Variants in RNASEH1 observed in about 807,000 individuals in gnomAD.
RNASEH1 encodes the protein ribonuclease H1, also known as ribonuclease H type II.
RNASEH1 carries 27 observed loss-of-function variants against 34.6 expected under a neutral mutation model. The ratio of observed to expected loss-of-function variants is 0.78; its 90% CI spans 0.58 to 1.08. The LOEUF (loss-of-function observed/expected upper bound fraction) is 1.08. RNASEH1 is among the 50% of genes least tolerant of loss of function. The pLI is 0.00. For synonymous variants in RNASEH1, 162 were observed against 138.4 expected, an observed-to-expected ratio of 1.17 and a Z score of -1.20; for missense variants, 349 against 373.6, an observed-to-expected ratio of 0.93 and a Z score of 0.54.
chr2:3,531,824 GAA>G, the RNASEH1 span: 1 of 154,878 alleles, frequency 6.5e-6, no homozygotes, highest in Non-Finnish European at 1.4e-5. Flanking sequence ...TAAATGTTTT[GAA>G]GAGTGTTTAT....
At chr2:3,553,521 C>A (rs568655105) in intron 2 of RNASEH1, among the ~76,000 whole-genome samples, 66 of 152,000 alleles carry the variant, frequency 4.3e-4, no homozygotes, top group Admixed American at 2.7e-3. Context: ...TCCCAAGTAG[C>A]TGGGATTACA....
the RNASEH1 span, among the ~76,000 whole-genome samples, chr2:3,532,907 G>A: frequency 1.3e-5 from 2 of 152,200 alleles, no homozygotes; most frequent in Non-Finnish European, 2.9e-5. Context: ...GCATGGAGGC[G>A]CTCTCCCGCG....
At chr2:3,550,046 G>A (rs559931195) in intron 4 of RNASEH1, 2 of 263,654 alleles carry the variant, frequency 7.6e-6, no homozygotes, top group East Asian at 1.8e-4. Flanking sequence ...GGGAGGCCAA[G>A]GTGGGAGGAT....
At chr2:3,556,035 G>C (rs1247941644) in intron 2 of RNASEH1, among the ~76,000 whole-genome samples, 1 of 152,138 alleles carries the variant, frequency 6.6e-6, no homozygotes, top group South Asian at 2.1e-4. Context: ...TTAGCCGGGC[G>C]TGGTGGCACG....
At chr2:3,532,315 G>C in the RNASEH1 span, 16 of 702,338 alleles carry the variant, frequency 2.3e-5, no homozygotes, top group Admixed American at 2.6e-4. Flanking sequence ...ATGATGCTGT[G>C]GGAACAAGAA....
chr2:3,549,228 T>C lies in RNASEH1; in HGVS notation c.510-116A>G, dbSNP rs189708498. ...TCTTATTTGAAATATAAAAGCATCA[T>C]ATAAAAATCAAACTAACAGACTCCC... On this transcript the variant is annotated intron_variant, in intron 4 of 7. Transcript: ENST00000315212. The C allele has an allele frequency of 2.2e-3, 1,928 of 894,168 alleles. 3 individuals are homozygous for C. The highest frequency in any genetic ancestry group is 3.0e-3 in the Non-Finnish European group (1,614 of 547,084). 55.4% of individuals were successfully genotyped at this position (894,168 alleles called of 1,614,324 possible).
downstream of RNASEH1, among the ~76,000 whole-genome samples, chr2:3,538,359 AT>A (rs1178220162): frequency 2.0e-5 from 3 of 151,072 alleles, no homozygotes; most frequent in East Asian, 1.9e-4. Context: ...TCTCAAAAAA[AT>A]ATATATAATA....
At position 3,549,048 on chromosome 2, in the gene RNASEH1, G is replaced by T. The variant is rs1024290571; in HGVS notation, c.564+10C>A. The T allele has an allele frequency of 1.9e-6, 3 of 1,608,692 alleles. No homozygotes were observed. The highest frequency in any genetic ancestry group is 2.6e-6 in the Non-Finnish European group (3 of 1,175,166). The stretch of plus-strand genomic sequence containing the variant: ...AAAAAAGAGAGGCTTAAACGTATCT[G>T]ATAACTTACATGAATTTCCGCTCTT... On this transcript the variant is annotated intron_variant, in intron 5 of 7. Transcript: ENST00000315212.
At chr2:3,553,755 A>C (rs1459551789) in intron 2 of RNASEH1, among the ~76,000 whole-genome samples, 2 of 151,748 alleles carry the variant, frequency 1.3e-5, no homozygotes, top group African/African-American at 4.9e-5. Context: ...TCACTGGGTA[A>C]TACTATGGCA....
chr2:3,535,290 G>A, the RNASEH1 span, among the ~76,000 whole-genome samples: 2 of 152,104 alleles, frequency 1.3e-5, no homozygotes, highest in Admixed American at 6.5e-5. Context: ...GCCAGGCGTG[G>A]TGGTGTGTGC....
downstream of RNASEH1, among the ~76,000 whole-genome samples, chr2:3,540,358 T>C (rs1298292231): frequency 6.6e-6 from 1 of 152,172 alleles, no homozygotes; most frequent in Non-Finnish European, 1.5e-5. Context: ...TTAAAAGTGG[T>C]TGGACCTTTC....
downstream of RNASEH1, among the ~76,000 whole-genome samples, chr2:3,538,211 C>T (rs1042003986): frequency 1.3e-5 from 2 of 149,332 alleles, no homozygotes; most frequent in African/African-American, 2.5e-5. Context: ...AGTAGCCGGG[C>T]GTGGTGTTGG....
chr2:3,554,406 C>T (rs527239731), intron 2 of RNASEH1, among the ~76,000 whole-genome samples: 111 of 152,332 alleles, frequency 7.3e-4, no homozygotes, highest in African/African-American at 2.5e-3. Flanking sequence ...AGTTTTACTT[C>T]ACAAAATTGT....
rs1439970549 is a variant in RNASEH1 at position 3,544,358 on chromosome 2, A to G, written c.*1427T>C. Among the ~76,000 whole-genome samples the G allele has an allele frequency of 6.6e-6, 1 of 152,194 alleles. No individual in the cohort carries two copies. Among genetic ancestry groups the G allele is most frequent in the African/African-American group, 2.4e-5 (1 of 41,438 alleles). ...CATGACCACGTGGTCAGCAAAATCTACACTGTGGGAAGCCATGGGACAAAC... is the reference window on the plus strand; with the variant it reads ...CATGACCACGTGGTCAGCAAAATCTGCACTGTGGGAAGCCATGGGACAAAC... On this transcript the variant is annotated 3_prime_UTR_variant, in exon 8 of 8. Transcript: ENST00000315212.
In RNASEH1 at chr2:3,548,635, C is replaced by T. The variant is rs1434057979; in HGVS notation, c.649+5G>A. Reference sequence around the variant, plus strand: ...AAACAGAAGAAATCAAATGTGAAAGCTTACCATTTATCGTAAACATACTGT... The same window carrying T: ...AAACAGAAGAAATCAAATGTGAAAGTTTACCATTTATCGTAAACATACTGT... On this transcript the variant is annotated splice_donor_5th_base_variant and intron_variant, in intron 6 of 7. Coordinates refer to ENST00000315212, the MANE Select transcript of RNASEH1 (RefSeq NM_002936.6). The T allele has an allele frequency of 1.9e-6, 3 of 1,560,872 alleles. No homozygotes were observed.
In RNASEH1 at chr2:3,558,199, C is replaced by T; in HGVS notation, c.62G>A (p.Gly21Asp). The change falls in exon 1 of 8, where the codon GGC becomes GAC. Residue 21 changes from glycine (G) to aspartate (D), a missense_variant. Coordinates refer to ENST00000315212, the MANE Select transcript of RNASEH1 (RefSeq NM_002936.6). The stretch of plus-strand genomic sequence containing the variant: ...ATAGAACATCCCGAACCCGCGAGAG[C>T]CGCGGCGGCAGGGCAAGGCGGCCAA... ...VALAALPCRRGSRGFGMFYAV... is the reference protein window; with the variant it reads ...VALAALPCRRDSRGFGMFYAV... 1 of 1,601,374 alleles carries T rather than the reference C, an allele frequency of 6.2e-7. No homozygotes were observed. The highest frequency in any genetic ancestry group is 1.1e-5 in the South Asian group (1 of 89,330).
chr2:3,553,333 C>T (rs771180126), intron 2 of RNASEH1, among the ~76,000 whole-genome samples: 36 of 151,958 alleles, frequency 2.4e-4, no homozygotes, highest in Non-Finnish European at 3.5e-4. Flanking sequence ...TTTTCTTTTG[C>T]AACAAAGTTT....
intron 2 of RNASEH1, 93 bp downstream of exon 2, chr2:3,556,696 T>C: frequency 1.3e-6 from 1 of 772,966 alleles, no homozygotes; most frequent in Non-Finnish European, 2.2e-6. Flanking sequence ...GTTCCCTACA[T>C]GCCTAGAGGG....
chr2:3,535,952 G>A, the RNASEH1 span, among the ~76,000 whole-genome samples: 3,518 of 152,338 alleles, frequency 0.023, 56 homozygotes, highest in Non-Finnish European at 0.034. Context: ...GACACACAGC[G>A]GGGTCCAGGC....
Sources: gnomAD v4.1 joint callset for allele counts (sites outside exome capture counted in the v4.1 genomes callset) on GRCh38, gnomAD v4.1.1 for gene constraint, MANE v1.5 for transcripts, NCBI Gene and HGNC (gene_info 2026-07-23, HGNC 2026-07-21) for gene names.